Variants in ZNF250 observed in about 807,000 individuals in gnomAD.
ZNF250 encodes zinc finger protein 250.
Under a neutral mutation model 37.1 loss-of-function variants are expected in ZNF250, and 13 were observed. The observed-to-expected ratio is 0.35, with a 90% CI of 0.23 to 0.56. The LOEUF (loss-of-function observed/expected upper bound fraction) is 0.56. ZNF250 is among the 20% of genes least tolerant of loss of function. ZNF250 has a pLI of 0.87. For missense variants in ZNF250, 474 were observed against 697.9 expected (o/e 0.68, Z 3.61); for synonymous variants, 251 against 265.6 (o/e 0.94, Z 0.54).
At chr8:144,899,329 A>G (rs902681000) in intron 1 of ZNF250, among the ~76,000 whole-genome samples, 2 of 152,208 alleles carry the variant, frequency 1.3e-5, no homozygotes, top group Non-Finnish European at 2.9e-5. Flanking sequence ...TACCACGGTA[A>G]GATGACTACA....
At chr8:144,898,069 G>A (rs985614014) in intron 1 of ZNF250, among the ~76,000 whole-genome samples, 2 of 152,100 alleles carry the variant, frequency 1.3e-5, no homozygotes, top group African/African-American at 4.8e-5. Context: ...ATTTTGGGGG[G>A]GCCTGATCCC....
At chr8:144,893,716 C>T (rs924367851) in intron 1 of ZNF250, among the ~76,000 whole-genome samples, 1 of 152,150 alleles carries the variant, frequency 6.6e-6, no homozygotes, top group Non-Finnish European at 1.5e-5. Context: ...TCTCTACGGA[C>T]CAATCACACC....
intron 1 of ZNF250, among the ~76,000 whole-genome samples, chr8:144,898,332 A>G (rs1323790171): frequency 1.3e-5 from 2 of 151,990 alleles, no homozygotes; most frequent in Non-Finnish European, 2.9e-5. Flanking sequence ...CAAACAAAAC[A>G]AAACAAAACA....
chr8:144,896,336 A>G (rs2129874784), intron 1 of ZNF250, among the ~76,000 whole-genome samples: 1 of 151,920 alleles, frequency 6.6e-6, no homozygotes, highest in South Asian at 2.1e-4. Flanking sequence ...AACAGAATGA[A>G]TCCCTGTCTC....
intron 5 of ZNF250, among the ~76,000 whole-genome samples, chr8:144,886,626 C>G (rs1472383558): frequency 6.6e-6 from 1 of 152,036 alleles, no homozygotes; most frequent in Non-Finnish European, 1.5e-5. Flanking sequence ...TTATAAAAAC[C>G]CAGTAATCTC....
Position 144,886,893 on chromosome 8 carries a change from T to G in ZNF250, c.293A>C (p.Lys98Thr), listed in dbSNP as rs778040644. 22 of 1,613,400 alleles carry G rather than the reference T, an allele frequency of 1.4e-5. No homozygotes were observed. The South Asian group carries it at 2.3e-4, about 17-fold the overall frequency. ...TGTACAGGCTGTAGTGTGGTCATAT[T>G]TGAGGTTGTCTGGAAAAAAAACAGC... Reference protein sequence around the residue: ...GLWSDYSDNLKYDHTTACTQQ... With the variant: ...GLWSDYSDNLTYDHTTACTQQ... Residue 98 changes from lysine to threonine, a missense_variant, in exon 5 of 6, where the codon AAA becomes ACA. Physicochemically the swap from Lys to Thr is moderately conservative, Grantham distance 78 (BLOSUM62 -1). This residue lies in a region of ZNF250 where 192 missense variants were observed against 227.5 expected (regional missense o/e 0.84). Transcript: ENST00000417550.
In ZNF250 at chr8:144,877,978, T is replaced by A. The variant is rs1408977497; in HGVS notation, c.*3537A>T. 6.6e-6 allele frequency: 1 copy of A among 152,230 alleles called. No individual in the cohort carries two copies. The highest frequency in any genetic ancestry group is 1.5e-5 in the Non-Finnish European group (1 of 68,042). The allele number at this position is 152,230 out of a possible 1,614,324, so 9.4% of individuals were successfully genotyped here. Reference sequence around the variant, plus strand: ...TTGGGGCCTGAATAGTAGTGGGCACTGAGCAGCTGCCACTGAGTCACATGC... The same window carrying A: ...TTGGGGCCTGAATAGTAGTGGGCACAGAGCAGCTGCCACTGAGTCACATGC... On this transcript the variant is annotated 3_prime_UTR_variant, in exon 6 of 6. Coordinates refer to ENST00000417550, the MANE Select transcript of ZNF250 (RefSeq NM_001109689.4).
At chr8:144,899,525 T>C (rs1832967685) in intron 1 of ZNF250, among the ~76,000 whole-genome samples, 1 of 152,102 alleles carries the variant, frequency 6.6e-6, no homozygotes, top group Admixed American at 6.6e-5. Flanking sequence ...TTATATTCAA[T>C]AAAAAAGAAC....
intron 5 of ZNF250, among the ~76,000 whole-genome samples, chr8:144,883,501 G>C (rs150263937): frequency 6.6e-6 from 1 of 152,016 alleles, no homozygotes. Context: ...CATCATGCCT[G>C]GCTAATTTTT....
intron 4 of ZNF250, among the ~76,000 whole-genome samples, chr8:144,888,502 C>T (rs393019): frequency 2.7e-5 from 4 of 148,006 alleles, no homozygotes; most frequent in East Asian, 2.1e-4. Flanking sequence ...GAAGCTGAGG[C>T]GTAAGAATTG....
intron 1 of ZNF250, among the ~76,000 whole-genome samples, chr8:144,898,654 A>C (rs1409835358): frequency 6.6e-6 from 1 of 152,226 alleles, no homozygotes; most frequent in East Asian, 1.9e-4. Flanking sequence ...AAGAAACAAC[A>C]TACAGAATGG....
intron 4 of ZNF250, among the ~76,000 whole-genome samples, chr8:144,887,978 C>G (rs890773908): frequency 1.3e-5 from 2 of 152,172 alleles, no homozygotes; most frequent in Admixed American, 1.3e-4. Context: ...ATCTGAAATG[C>G]TGAAGCTGAT....
chr8:144,895,976 T>TC (rs1175382300), intron 1 of ZNF250, among the ~76,000 whole-genome samples: 1 of 132,388 alleles, frequency 7.6e-6, no homozygotes, highest in Admixed American at 8.9e-5. Context: ...GCCACTGCAC[T>TC]CCAGCCTGCA....
chr8:144,896,732 A>T (rs1007089199), intron 1 of ZNF250, among the ~76,000 whole-genome samples: 1 of 152,194 alleles, frequency 6.6e-6, no homozygotes, highest in Non-Finnish European at 1.5e-5. Flanking sequence ...TCCTCTATAG[A>T]TGCCAGGCTC....
At position 144,890,079 on chromosome 8, in the gene ZNF250, T is replaced by C. The variant is rs754288449; in HGVS notation, c.43-20A>G. The C allele has an allele frequency of 2.5e-6, 4 of 1,608,440 alleles. No homozygotes were observed. The highest frequency in any genetic ancestry group is 2.7e-5 in the African/African-American group (2 of 74,820). ...CTTGGCCTGGAACGACAGGGGCTGC[T>C]GCAGGTAAAACCAAATCCTGATGTC... On this transcript the variant is annotated intron_variant, in intron 2 of 5. Transcript: ENST00000417550. The surrounding 1 kb of genome is among the most constrained non-coding windows in gnomAD (Gnocchi z 5.1).
chr8:144,892,712 G>A (rs1191332784), intron 1 of ZNF250, among the ~76,000 whole-genome samples: 11 of 151,906 alleles, frequency 7.2e-5, no homozygotes, highest in African/African-American at 1.9e-4. Context: ...GCGCCACCAT[G>A]CCCAGCTAAT....
At position 144,877,895 on chromosome 8, in the gene ZNF250, T is replaced by C. The variant is rs988763515; in HGVS notation, c.*3620A>G. Reference sequence around the variant, plus strand: ...CTTTCTAAACAAATGTTCCTGTATATTGAATTTAATTATTCTCATCTTAAT... The same window carrying C: ...CTTTCTAAACAAATGTTCCTGTATACTGAATTTAATTATTCTCATCTTAAT... On this transcript the variant is annotated 3_prime_UTR_variant, in exon 6 of 6. Transcript: ENST00000417550. 1 of 152,238 alleles carries C rather than the reference T, an allele frequency of 6.6e-6. No individual in the cohort carries two copies. Among genetic ancestry groups the C allele is most frequent in the Non-Finnish European group, 1.5e-5 (1 of 68,036 alleles). 9.4% of individuals were successfully genotyped at this position (152,238 alleles called of 1,614,324 possible).
chr8:144,880,502 G>A lies in ZNF250; in HGVS notation c.*1013C>T, dbSNP rs1448675855. On this transcript the variant is annotated 3_prime_UTR_variant, in exon 6 of 6. Coordinates refer to ENST00000417550, the MANE Select transcript of ZNF250 (RefSeq NM_001109689.4). ...AGTTTTGAGGAAAATACCCATTTTT[G>A]AGTTGAATTTTTACTAAAAAGTTAG... The A allele has an allele frequency of 9.2e-5, 42 of 456,420 alleles. No individual in the cohort carries two copies. The Admixed American group carries it at 9.9e-4, about 11-fold the overall frequency. 28.3% of individuals were successfully genotyped at this position (456,420 alleles called of 1,614,324 possible).
chr8:144,881,587 G>A lies in ZNF250; in HGVS notation c.1596C>T (p.Cys532=), dbSNP rs757110991. The A allele has an allele frequency of 5.6e-6, 9 of 1,613,556 alleles. No individual in the cohort carries two copies. Among genetic ancestry groups the A allele is most frequent in the Admixed American group, 1.7e-5 (1 of 59,884 alleles). Residue 532 remains cysteine (C), a synonymous_variant, in exon 6 of 6, where the codon TGC becomes TGT. Transcript: ENST00000417550. ...GGTTGAAGGCACGCCCACACTCCCCGCACTCATAGGGCTTCTCGCCTGTGT... is the reference window on the plus strand; with the variant it reads ...GGTTGAAGGCACGCCCACACTCCCCACACTCATAGGGCTTCTCGCCTGTGT... ...RIHTGEKPYE[C]GECGRAFNQH...
Sources: allele counts gnomAD v4.1 joint callset (sites outside exome capture counted in the v4.1 genomes callset), GRCh38; gene constraint gnomAD v4.1.1; regional missense constraint gnomAD v4.1.1; non-coding constraint Gnocchi (gnomAD v3.1); transcripts MANE v1.5; gene names NCBI Gene and HGNC (gene_info 2026-07-23, HGNC 2026-07-21).